LRRC9: variants seen among roughly 807,000 people sequenced by gnomAD.
LRRC9 encodes leucine rich repeat containing 9, also known as leucine-rich repeat-containing protein 9.
LRRC9 carries 122 observed loss-of-function variants against 63.2 expected under a neutral mutation model. The observed-to-expected ratio is 1.93, with a 90% CI of 1.67 to 2.24. The LOEUF is 2.24. Among genes scored for constraint, LRRC9 ranks in the 30% most tolerant of loss-of-function variants. The pLI is 0.00. For missense variants in LRRC9, 1,071 were observed against 627.7 expected, an observed-to-expected ratio of 1.71 and a Z score of -7.55; for synonymous variants, 366 against 213.1, an observed-to-expected ratio of 1.72 and a Z score of -6.25.
At position 60,060,949 on chromosome 14, in the gene LRRC9, A is replaced by G. The variant is rs1327280526; in HGVS notation, c.4277-2374A>G. On this transcript the variant is annotated intron_variant, in intron 31 of 31. Coordinates refer to ENST00000445360, the Ensembl canonical transcript of LRRC9. The surrounding 1 kb of genome is among the most constrained non-coding windows in gnomAD (Gnocchi z 4.0). ...GAAGGAAGTAACTGCAGATGTGTGG[A>G]AACAGCAAGAGAACTAGAAGTGGAG... Among the ~76,000 whole-genome samples, 2 of 152,160 alleles carry G rather than the reference A, an allele frequency of 1.3e-5. No homozygotes were observed. The highest frequency in any genetic ancestry group is 4.8e-5 in the African/African-American group (2 of 41,450).
At chr14:60,059,028 G>C (rs1322240799) in intron 31 of LRRC9, 2 of 151,956 alleles carry the variant, frequency 1.3e-5, no homozygotes, top group Non-Finnish European at 2.9e-5. Flanking sequence ...TCATCTTCAG[G>C]AATATCATTA....
chr14:59,965,737 G>A (rs1303295164), intron 10 of LRRC9, among the ~76,000 whole-genome samples: 1 of 151,558 alleles, frequency 6.6e-6, no homozygotes, highest in African/African-American at 2.4e-5. Flanking sequence ...CAAAAAATTA[G>A]CCGGGCGTGA....
At chr14:59,977,971 A>G (rs1886494394) in intron 14 of LRRC9, 46 bp from the exon 15 acceptor site, 1 of 671,226 alleles carries the variant, frequency 1.5e-6, no homozygotes, top group Non-Finnish European at 2.7e-6. Flanking sequence ...GTATGTTTCA[A>G]TTTGAGAAAA....
At chr14:59,940,476 G>C (rs866906516) in intron 7 of LRRC9, among the ~76,000 whole-genome samples, 3 of 152,048 alleles carry the variant, frequency 2.0e-5, no homozygotes, top group Non-Finnish European at 4.4e-5. Flanking sequence ...ACAAGTGTCA[G>C]GTAAAGTCAG....
Position 60,060,186 on chromosome 14 carries a change from G to T in LRRC9, c.4276+2164G>T, listed in dbSNP as rs1215996576. 6.6e-6 allele frequency among the ~76,000 whole-genome samples: 1 copy of T among 152,206 alleles called. No homozygotes were observed. Among genetic ancestry groups the T allele is most frequent in the Non-Finnish European group, 1.5e-5 (1 of 68,032 alleles). Reference sequence around the variant, plus strand: ...ATCAATGTACAAAGCTTGGATAACAGCACATCTGTTTACAGCATAGTTTAC... The same window carrying T: ...ATCAATGTACAAAGCTTGGATAACATCACATCTGTTTACAGCATAGTTTAC... On this transcript the variant is annotated intron_variant, in intron 31 of 31. Coordinates refer to ENST00000445360, the Ensembl canonical transcript of LRRC9. The surrounding 1 kb of genome is among the most constrained non-coding windows in gnomAD (Gnocchi z 4.0).
At position 60,042,700 on chromosome 14, in the gene LRRC9, G is replaced by A. The variant is rs1250079426; in HGVS notation, c.3991-10365G>A. 6.6e-6 allele frequency among the ~76,000 whole-genome samples: 1 copy of A among 152,114 alleles called. No homozygotes were observed. Among genetic ancestry groups the A allele is most frequent in the Non-Finnish European group, 1.5e-5 (1 of 68,010 alleles). On this transcript the variant is annotated intron_variant, in intron 29 of 31. Coordinates refer to ENST00000445360, the Ensembl canonical transcript of LRRC9. This position sits in a 1 kb window ranked among gnomAD's most constrained non-coding sequence, Gnocchi z 4.2. The stretch of plus-strand genomic sequence containing the variant: ...ATTTCCCCACCCTTTGCACTTCCCG[G>A]GTGAGGCAATGCCCTGTCCTGCTTT...
chr14:59,945,090 G>A lies in LRRC9; in HGVS notation c.882+346G>A, dbSNP rs564639698. On this transcript the variant is annotated intron_variant, in intron 8 of 31. Coordinates refer to ENST00000445360, the Ensembl canonical transcript of LRRC9. ...AAAATTATTAGACTTATTCAGCTGT[G>A]TTTTTATTAGATGCCAGTAGGCTGT... Among the ~76,000 whole-genome samples, 151 of 151,050 alleles carry A rather than the reference G, an allele frequency of 1.0e-3. No homozygotes were observed. The Middle Eastern group carries it at 0.01, about 10-fold the overall frequency.
At position 60,017,576 on chromosome 14, in the gene LRRC9, C is replaced by T. The variant is rs1390026693; in HGVS notation, c.3317+786C>T. ...TTTATTTTTATTTTTCTGGCTCCCA[C>T]TTCTTGGGGGCTGAAACATTTCTTT... On this transcript the variant is annotated intron_variant, in intron 24 of 31. Coordinates refer to ENST00000445360, the Ensembl canonical transcript of LRRC9. The surrounding 1 kb of genome is among the most constrained non-coding windows in gnomAD (Gnocchi z 4.0). Among the ~76,000 whole-genome samples, 5 of 152,086 alleles carry T rather than the reference C, an allele frequency of 3.3e-5. No individual in the cohort carries two copies. The highest frequency in any genetic ancestry group is 1.2e-4 in the African/African-American group (5 of 41,438).
intron 30 of LRRC9, among the ~76,000 whole-genome samples, chr14:60,054,918 T>C (rs967087778): frequency 2.0e-5 from 3 of 152,116 alleles, no homozygotes; most frequent in African/African-American, 7.2e-5. Flanking sequence ...TGTGCCATCA[T>C]ACCAGGCTAA....
At chr14:59,988,215 C>G (rs1490079659) in intron 17 of LRRC9, among the ~76,000 whole-genome samples, 1 of 152,100 alleles carries the variant, frequency 6.6e-6, no homozygotes, top group African/African-American at 2.4e-5. Flanking sequence ...TTCAAGAAAC[C>G]TTAGTTTCTT....
chr14:59,975,034 CAT>C (rs369719892), intron 13 of LRRC9, among the ~76,000 whole-genome samples: 3,068 of 80,956 alleles, frequency 0.038, 394 homozygotes, highest in South Asian at 0.12. Flanking sequence ...TGTGTCACAG[CAT>C]ATATATATAT....
rs1222251931 is a variant in LRRC9, at chr14:59,952,774, C to T, written c.883-7044C>T. On this transcript the variant is annotated intron_variant, in intron 8 of 31. Transcript: ENST00000445360. ...TCATCTAGGTTTTAAGCCCCGCATG[C>T]ATTAGGTATTTGTCCTAATGCTCTC... Among the ~76,000 whole-genome samples, 4 of 152,252 alleles carry T rather than the reference C, an allele frequency of 2.6e-5. No homozygotes were observed. The East Asian group carries it at 7.7e-4, about 29-fold the overall frequency.
intron 16 of LRRC9, 27 bp downstream of exon 16, chr14:59,982,087 G>C (rs1341745133): frequency 3.0e-6 from 2 of 669,670 alleles, no homozygotes; most frequent in East Asian, 2.7e-5. Flanking sequence ...ATACAGCTTT[G>C]AGACAGGAAT....
In LRRC9 at chr14:60,031,407, T is replaced by C. The variant is rs76186747; in HGVS notation, c.3922-588T>C. Among the ~76,000 whole-genome samples the C allele has an allele frequency of 9.6e-3, 1,454 of 152,164 alleles. 26 individuals are homozygous for C. The highest frequency in any genetic ancestry group is 0.033 in the African/African-American group (1,373 of 41,556). On this transcript the variant is annotated intron_variant, in intron 28 of 31. Transcript: ENST00000445360. This position sits in a 1 kb window ranked among gnomAD's most constrained non-coding sequence, Gnocchi z 4.6. ...GGCTAAAGTTTGTCAGAAATAGCAT[T>C]TTAGAAATAATTTTGCAAAAACTAA...
At chr14:59,946,954 C>T (rs1483284389) in intron 8 of LRRC9, among the ~76,000 whole-genome samples, 1 of 139,530 alleles carries the variant, frequency 7.2e-6, no homozygotes, top group East Asian at 2.2e-4. Flanking sequence ...GTGAATAATG[C>T]CGCAATAAAC....
At chr14:60,066,265 A>G (rs1165898823), downstream of LRRC9, among the ~76,000 whole-genome samples, 1 of 151,924 alleles carries the variant, frequency 6.6e-6, no homozygotes, top group Non-Finnish European at 1.5e-5. Context: ...AATAACCCTT[A>G]TATTTAAGTA....
At chr14:60,046,150 C>A (rs1893404948) in intron 29 of LRRC9, among the ~76,000 whole-genome samples, 1 of 151,948 alleles carries the variant, frequency 6.6e-6, no homozygotes, top group African/African-American at 2.4e-5. Context: ...TGTTTAAGTT[C>A]CTTGTAGACT....
At chr14:59,952,490 A>G (rs1029341696) in intron 8 of LRRC9, among the ~76,000 whole-genome samples, 8 of 152,190 alleles carry the variant, frequency 5.3e-5, no homozygotes, top group Non-Finnish European at 8.8e-5. Context: ...GCTGTAGACC[A>G]GAGCTGTTCC....
In LRRC9 at chr14:59,953,097, T is replaced by C. The variant is rs903074340; in HGVS notation, c.883-6721T>C. Among the ~76,000 whole-genome samples the C allele has an allele frequency of 2.6e-5, 4 of 152,388 alleles. No homozygotes were observed. In the South Asian group the frequency reaches 8.3e-4, roughly 32 times the overall value. ...TGTTGGTTCCAAGCCTTTGCTATTG[T>C]AAATAGTGCTGCAATAAACATACAT... On this transcript the variant is annotated intron_variant, in intron 8 of 31. Coordinates refer to ENST00000445360, the Ensembl canonical transcript of LRRC9.
Sources: gnomAD v4.1 joint callset for allele counts (sites outside exome capture counted in the v4.1 genomes callset) on GRCh38, gnomAD v4.1.1 for gene constraint, Gnocchi (gnomAD v3.1) non-coding constraint, MANE v1.5 for transcripts, NCBI Gene and HGNC (gene_info 2026-07-23, HGNC 2026-07-21) for gene names.